HYCC2: variants seen among roughly 807,000 people sequenced by gnomAD.
The protein encoded by HYCC2 is hyccin PI4KA lipid kinase complex subunit 2.
the HYCC2 span, among the ~76,000 whole-genome samples, chr2:200,993,194 A>G: frequency 7.4e-3 from 1,123 of 152,350 alleles, 8 homozygotes; most frequent in African/African-American, 0.026. Flanking sequence ...AAAAATAAAA[A>G]TCCGAAATCT....
chr2:200,988,292 A>C, the HYCC2 span: 8 of 1,613,056 alleles, frequency 5.0e-6, no homozygotes, highest in Middle Eastern at 1.7e-4. Flanking sequence ...CGACGGATTG[A>C]AGCTGTTGTA....
chr2:201,066,042 C>T, the HYCC2 span, among the ~76,000 whole-genome samples: 1 of 151,754 alleles, frequency 6.6e-6, no homozygotes, highest in Admixed American at 6.6e-5. Flanking sequence ...TTCAAATTAA[C>T]TTTAGATTTT....
the HYCC2 span, chr2:201,009,476 T>C: frequency 2.5e-5 from 4 of 160,702 alleles, no homozygotes; most frequent in African/African-American, 7.2e-5. Flanking sequence ...TCTTTTTTTT[T>C]TGAGACAGAG....
chr2:201,067,834 A>G, the HYCC2 span, among the ~76,000 whole-genome samples: 2 of 152,268 alleles, frequency 1.3e-5, no homozygotes, highest in South Asian at 2.1e-4. Flanking sequence ...AGAATAGGAT[A>G]TAAATGTCTA....
the HYCC2 span, among the ~76,000 whole-genome samples, chr2:201,071,266 C>T: frequency 6.6e-6 from 1 of 152,184 alleles, no homozygotes; most frequent in Non-Finnish European, 1.5e-5. Context: ...CCTTTTCTCG[C>T]CTGGGGCTTT....
At chr2:201,013,958 A>G in the HYCC2 span, among the ~76,000 whole-genome samples, 1 of 152,188 alleles carries the variant, frequency 6.6e-6, no homozygotes, top group African/African-American at 2.4e-5. Context: ...GATGACTCCC[A>G]CTGTGATTAA....
the HYCC2 span, among the ~76,000 whole-genome samples, chr2:200,990,262 T>C: frequency 2.6e-5 from 4 of 152,196 alleles, no homozygotes; most frequent in Non-Finnish European, 5.9e-5. Context: ...CTGGAATACA[T>C]TGCTAGACAT....
chr2:201,022,568 T>A, the HYCC2 span: 2 of 276,992 alleles, frequency 7.2e-6, no homozygotes, highest in Non-Finnish European at 1.4e-5. Context: ...AAGTTTCAAA[T>A]AAATAATCCA....
the HYCC2 span, among the ~76,000 whole-genome samples, chr2:201,048,088 C>T: frequency 6.6e-6 from 1 of 151,970 alleles, no homozygotes; most frequent in South Asian, 2.1e-4. Flanking sequence ...TTAATAGTGA[C>T]AGTTCAAAAC....
At chr2:201,033,713 T>C in the HYCC2 span, among the ~76,000 whole-genome samples, 3 of 150,176 alleles carry the variant, frequency 2.0e-5, no homozygotes, top group Non-Finnish European at 4.4e-5. Context: ...CCAATTTTTT[T>C]TGTTGTATAT....
At chr2:200,979,292 C>CAG in the HYCC2 span, 1 of 150,988 alleles carries the variant, frequency 6.6e-6, no homozygotes, top group Non-Finnish European at 1.5e-5. Flanking sequence ...CACACACACA[C>CAG]ACACAGACAC....
At chr2:200,987,246 C>T in the HYCC2 span, 2 of 884,740 alleles carry the variant, frequency 2.3e-6, no homozygotes, top group Non-Finnish European at 3.0e-6. Context: ...GAAGCTAATA[C>T]ACCCTGGGGT....
chr2:200,980,247 TA>T, the HYCC2 span: 2 of 152,514 alleles, frequency 1.3e-5, no homozygotes, highest in African/African-American at 2.4e-5. Flanking sequence ...TAGTCTGACA[TA>T]ACAGAAAGTA....
the HYCC2 span, chr2:200,977,660 G>A: frequency 6.6e-6 from 1 of 152,578 alleles, no homozygotes; most frequent in African/African-American, 2.4e-5. Flanking sequence ...AGACCAGCCT[G>A]GGCAACATGG....
the HYCC2 span, among the ~76,000 whole-genome samples, chr2:201,011,114 C>T: frequency 6.6e-6 from 1 of 152,036 alleles, no homozygotes; most frequent in Non-Finnish European, 1.5e-5. Flanking sequence ...CACTGCACTC[C>T]AGCCTGAGGG....
chr2:200,993,744 G>A, the HYCC2 span, among the ~76,000 whole-genome samples: 2 of 151,970 alleles, frequency 1.3e-5, no homozygotes, highest in Non-Finnish European at 2.9e-5. Context: ...CACTTTGGGA[G>A]GCTGAGGCAG....
chr2:201,019,876 G>C, the HYCC2 span, among the ~76,000 whole-genome samples: 5 of 152,088 alleles, frequency 3.3e-5, no homozygotes, highest in Admixed American at 3.3e-4. Flanking sequence ...GATCGCTTGA[G>C]CCCAGGAGTT....
the HYCC2 span, chr2:201,067,279 G>A: frequency 6.4e-6 from 1 of 155,952 alleles, no homozygotes; most frequent in African/African-American, 2.4e-5. Context: ...CAACAGTTAA[G>A]TATTCAAAAT....
At chr2:201,034,101 A>G in the HYCC2 span, among the ~76,000 whole-genome samples, 2 of 152,208 alleles carry the variant, frequency 1.3e-5, no homozygotes, top group Non-Finnish European at 2.9e-5. Flanking sequence ...ACTTAAAAAA[A>G]TGACTAAAAA....
Sources: allele counts gnomAD v4.1 joint callset (sites outside exome capture counted in the v4.1 genomes callset), GRCh38; gene constraint gnomAD v4.1.1; transcripts MANE v1.5; gene names NCBI Gene and HGNC (gene_info 2026-07-23, HGNC 2026-07-21).